The following HS3ST5 variants were observed in gnomAD, a reference collection of about 807,000 sequenced individuals.
The protein encoded by HS3ST5 is heparan sulfate glucosamine 3-O-sulfotransferase 5.
In HS3ST5, 10 loss-of-function variants were observed where a neutral mutation model predicts 25.4. The observed-to-expected ratio is 0.39, with a 90% CI of 0.24 to 0.67. HS3ST5 has a LOEUF of 0.67. HS3ST5 is among the 30% of genes least tolerant of loss of function. The pLI, the probability that HS3ST5 is intolerant of heterozygous loss-of-function variation, is 0.44. For missense variants in HS3ST5, 324 were observed against 420.7 expected, an observed-to-expected ratio of 0.77 and a Z score of 2.01; for synonymous variants, 170 against 162.4, an observed-to-expected ratio of 1.05 and a Z score of -0.36.
At chr6:114,328,299 A>G (rs151179103) in intron 1 of HS3ST5, among the ~76,000 whole-genome samples, 1 of 152,248 alleles carries the variant, frequency 6.6e-6, no homozygotes, top group Non-Finnish European at 1.5e-5. Flanking sequence ...TGTCTTTAAT[A>G]TAATCAGAAA....
intron 1 of HS3ST5, among the ~76,000 whole-genome samples, chr6:114,286,024 T>C (rs998845015): frequency 3.3e-5 from 5 of 151,740 alleles, no homozygotes; most frequent in South Asian, 2.1e-4. Flanking sequence ...TGAAAAGATA[T>C]ATGCAAAAAC....
chr6:114,192,158 T>A (rs1271299202), intron 2 of HS3ST5, among the ~76,000 whole-genome samples: 3 of 152,138 alleles, frequency 2.0e-5, no homozygotes, highest in Admixed American at 2.0e-4. Flanking sequence ...TGGAGAAATG[T>A]TTTTCACAGG....
intron 1 of HS3ST5, among the ~76,000 whole-genome samples, chr6:114,334,953 T>C (rs958366295): frequency 9.9e-5 from 15 of 152,196 alleles, no homozygotes; most frequent in African/African-American, 3.6e-4. Context: ...AGTCAAGAAA[T>C]TGAGCCTTAT....
chr6:114,120,156 A>G (rs1776717500), intron 3 of HS3ST5, among the ~76,000 whole-genome samples: 1 of 152,148 alleles, frequency 6.6e-6, no homozygotes, highest in Non-Finnish European at 1.5e-5. Flanking sequence ...AACAAAACAA[A>G]ACAAAACAAA....
At chr6:114,059,595 T>A (rs1328814807) in intron 4 of HS3ST5, 1 of 152,158 alleles carries the variant, frequency 6.6e-6, no homozygotes, top group African/African-American at 2.4e-5. Context: ...CTTGTTTTCA[T>A]GATAGTGAGT....
chr6:114,241,368 T>G (rs1420693250), intron 1 of HS3ST5, among the ~76,000 whole-genome samples: 2 of 152,174 alleles, frequency 1.3e-5, no homozygotes, highest in African/African-American at 4.8e-5. Flanking sequence ...TTCTCACACC[T>G]TTTCCATTCT....
At chr6:114,170,632 A>G (rs776739667) in intron 2 of HS3ST5, among the ~76,000 whole-genome samples, 22 of 152,178 alleles carry the variant, frequency 1.4e-4, no homozygotes, top group Admixed American at 2.6e-4. Flanking sequence ...CAAACTGACA[A>G]CCATGACCTG....
In HS3ST5 at chr6:114,177,909, C is replaced by T. The variant is rs72952574; in HGVS notation, c.-144-9447G>A. Among the ~76,000 whole-genome samples, 295 of 152,114 alleles carry T rather than the reference C, an allele frequency of 1.9e-3. 1 individual carries two copies. The highest frequency in any genetic ancestry group is 3.1e-3 in the South Asian group (15 of 4,816). On this transcript the variant is annotated intron_variant, in intron 2 of 4. Transcript: ENST00000312719. ...GCTGAGAAAAAGTAGTATGTTTATG[C>T]ATTTATATGAGAAGAGGAAAAGGAA...
chr6:114,251,641 G>A (rs1368560820), intron 1 of HS3ST5: 1 of 151,792 alleles, frequency 6.6e-6, no homozygotes, highest in Non-Finnish European at 1.5e-5. Flanking sequence ...ATTGGTTCAG[G>A]GTTGAACACA....
At chr6:114,326,922 C>A (rs1776198052) in intron 1 of HS3ST5, among the ~76,000 whole-genome samples, 1 of 152,064 alleles carries the variant, frequency 6.6e-6, no homozygotes, top group Non-Finnish European at 1.5e-5. Context: ...CTCAGTAGGG[C>A]TTTAAATTTA....
intron 1 of HS3ST5, chr6:114,340,452 G>A (rs771372654): frequency 3.3e-5 from 5 of 152,124 alleles, no homozygotes; most frequent in Non-Finnish European, 7.4e-5. Flanking sequence ...CACTGGAGGC[G>A]GTTAAATTTA....
intron 3 of HS3ST5, chr6:114,084,151 A>G: frequency 5.4e-6 from 4 of 745,012 alleles, no homozygotes; most frequent in Non-Finnish European, 7.2e-6. Flanking sequence ...TTGCTTAAGA[A>G]CACATGCAAG....
intron 2 of HS3ST5, among the ~76,000 whole-genome samples, chr6:114,176,284 T>G (rs9387195): frequency 0.55 from 82,951 of 151,728 alleles, 23,162 homozygotes; most frequent in African/African-American, 0.65. Flanking sequence ...TCTCAGATCA[T>G]CAGAAACAAT....
intron 2 of HS3ST5, among the ~76,000 whole-genome samples, chr6:114,203,240 G>C (rs1253301857): frequency 6.6e-6 from 1 of 152,172 alleles, no homozygotes. Context: ...AATTATAACA[G>C]TGACAGAAAT....
intron 3 of HS3ST5, among the ~76,000 whole-genome samples, chr6:114,141,765 T>C (rs1431712908): frequency 6.6e-6 from 1 of 152,266 alleles, no homozygotes; most frequent in African/African-American, 2.4e-5. Flanking sequence ...TTCCTGCCCA[T>C]TGGCTCCTGT....
intron 1 of HS3ST5, among the ~76,000 whole-genome samples, chr6:114,267,371 G>C (rs1237214013): frequency 6.6e-6 from 1 of 152,154 alleles, no homozygotes; most frequent in African/African-American, 2.4e-5. Flanking sequence ...CAATAAAAGG[G>C]CTAATGTACA....
At chr6:114,074,097 GAAC>G (rs377710550) in intron 3 of HS3ST5, among the ~76,000 whole-genome samples, 119 of 152,090 alleles carry the variant, frequency 7.8e-4, no homozygotes, top group African/African-American at 2.7e-3. Context: ...TGAACAATGA[GAAC>G]ACATGGACAC....
chr6:114,129,507 G>A (rs890061416), intron 3 of HS3ST5, among the ~76,000 whole-genome samples: 11 of 152,052 alleles, frequency 7.2e-5, no homozygotes, highest in Admixed American at 5.2e-4. Context: ...CGCCTGCCTT[G>A]GCCTCCCAAA....
intron 3 of HS3ST5, among the ~76,000 whole-genome samples, chr6:114,166,267 A>C (rs538804481): frequency 5.3e-5 from 8 of 152,048 alleles, no homozygotes; most frequent in Non-Finnish European, 1.0e-4. Flanking sequence ...GGGTGGTAAA[A>C]TATTTACCAA....
Sources: allele counts gnomAD v4.1 joint callset (sites outside exome capture counted in the v4.1 genomes callset), GRCh38; gene constraint gnomAD v4.1.1; transcripts MANE v1.5; gene names NCBI Gene and HGNC (gene_info 2026-07-23, HGNC 2026-07-21).